Variants in DRC8 observed in about 807,000 individuals in gnomAD.
DRC8 encodes dynein regulatory complex subunit 8, also known as dynein regulatory complex protein 8.
At chr1:245,024,061 T>G in the DRC8 span, among the ~76,000 whole-genome samples, 1 of 152,038 alleles carries the variant, frequency 6.6e-6, no homozygotes, top group Non-Finnish European at 1.5e-5. Context: ...TCCCAGCTAC[T>G]TGGGAGGCTG....
chr1:245,083,575 T>C, the DRC8 span: 1 of 1,589,580 alleles, frequency 6.3e-7, no homozygotes, highest in African/African-American at 1.4e-5. Flanking sequence ...ATGTAGAACT[T>C]ATTCACCAAA....
chr1:245,058,561 CTAGTT>C, the DRC8 span, among the ~76,000 whole-genome samples: 6 of 152,074 alleles, frequency 3.9e-5, no homozygotes, highest in Admixed American at 2.0e-4. Flanking sequence ...ATTAACTACT[CTAGTT>C]AAGTGAATAT....
chr1:245,075,548 A>G, the DRC8 span: 15 of 152,184 alleles, frequency 9.9e-5, no homozygotes, highest in Admixed American at 9.8e-4. Flanking sequence ...TCTTCAGGTC[A>G]CCTACTCCAC....
the DRC8 span, among the ~76,000 whole-genome samples, chr1:245,077,196 A>G: frequency 6.6e-6 from 1 of 152,192 alleles, no homozygotes; most frequent in Non-Finnish European, 1.5e-5. Flanking sequence ...TGGCTTAAAC[A>G]ATAGAAATTT....
chr1:245,025,292 T>C, the DRC8 span, among the ~76,000 whole-genome samples: 2 of 152,216 alleles, frequency 1.3e-5, no homozygotes, highest in South Asian at 2.1e-4. Context: ...AATCCAGTTT[T>C]TTTGTAATCT....
chr1:244,984,129 G>C, the DRC8 span, among the ~76,000 whole-genome samples: 4 of 146,500 alleles, frequency 2.7e-5, no homozygotes, highest in East Asian at 4.0e-4. Flanking sequence ...TAATTTTTTT[G>C]GGGGGGGGGA....
At chr1:245,101,774 A>G in the DRC8 span, among the ~76,000 whole-genome samples, 2 of 152,186 alleles carry the variant, frequency 1.3e-5, no homozygotes, top group Non-Finnish European at 2.9e-5. Context: ...TTTTAGTATT[A>G]TAATAAAGTC....
At chr1:245,121,674 C>G in the DRC8 span, among the ~76,000 whole-genome samples, 1 of 152,166 alleles carries the variant, frequency 6.6e-6, no homozygotes, top group Non-Finnish European at 1.5e-5. Context: ...AGTGTATGTG[C>G]TGCGTGGGGG....
chr1:245,065,210 G>A, the DRC8 span, among the ~76,000 whole-genome samples: 2 of 148,302 alleles, frequency 1.3e-5, no homozygotes, highest in African/African-American at 5.0e-5. Flanking sequence ...ATGCCATCAC[G>A]CCCGGCTAAT....
the DRC8 span, among the ~76,000 whole-genome samples, chr1:245,113,619 A>G: frequency 6.6e-6 from 1 of 152,218 alleles, no homozygotes; most frequent in Admixed American, 6.5e-5. Context: ...TTATGATCAT[A>G]CAATACGAAC....
the DRC8 span, among the ~76,000 whole-genome samples, chr1:244,974,772 A>G: frequency 1.3e-5 from 2 of 151,748 alleles, no homozygotes; most frequent in African/African-American, 4.8e-5. Flanking sequence ...ACGGCTCACT[A>G]CAGCCTCGAC....
the DRC8 span, among the ~76,000 whole-genome samples, chr1:245,046,984 A>G: frequency 4.6e-5 from 7 of 152,188 alleles, no homozygotes; most frequent in Non-Finnish European, 8.8e-5. Flanking sequence ...AGGGCGAGCC[A>G]TTGCTACCGC....
the DRC8 span, among the ~76,000 whole-genome samples, chr1:245,095,349 T>C: frequency 1.8e-4 from 27 of 152,162 alleles, no homozygotes; most frequent in African/African-American, 5.5e-4. Context: ...CAGGGTACTA[T>C]TGGGGAAGAG....
the DRC8 span, chr1:245,091,760 G>A: frequency 6.6e-6 from 1 of 152,210 alleles, no homozygotes; most frequent in African/African-American, 2.4e-5. Flanking sequence ...TATCTCCTAA[G>A]TTGCAGAATA....
At chr1:245,053,931 C>A in the DRC8 span, among the ~76,000 whole-genome samples, 2 of 152,140 alleles carry the variant, frequency 1.3e-5, no homozygotes, top group Non-Finnish European at 2.9e-5. Context: ...TGGAAGAACA[C>A]TGAGCGCTAA....
chr1:245,092,728 T>C, the DRC8 span, among the ~76,000 whole-genome samples: 1 of 152,180 alleles, frequency 6.6e-6, no homozygotes, highest in Non-Finnish European at 1.5e-5. Context: ...GGCTCTGATA[T>C]TGAATGAAAG....
the DRC8 span, among the ~76,000 whole-genome samples, chr1:245,033,242 G>C: frequency 6.6e-6 from 1 of 152,174 alleles, no homozygotes; most frequent in East Asian, 1.9e-4. Context: ...CTCCACAGGT[G>C]CCGGTGTGGG....
the DRC8 span, among the ~76,000 whole-genome samples, chr1:245,055,637 T>C: frequency 1.3e-5 from 2 of 152,140 alleles, no homozygotes; most frequent in Non-Finnish European, 2.9e-5. Context: ...TCTCCTTCTA[T>C]TTTCTGAACT....
At chr1:245,054,414 A>C in the DRC8 span, among the ~76,000 whole-genome samples, 1 of 151,974 alleles carries the variant, frequency 6.6e-6, no homozygotes, top group Non-Finnish European at 1.5e-5. Flanking sequence ...TCCACCTTCA[A>C]CGGAGAGTGC....
Sources: gnomAD v4.1 joint callset for allele counts (sites outside exome capture counted in the v4.1 genomes callset) on GRCh38, gnomAD v4.1.1 for gene constraint, MANE v1.5 for transcripts, NCBI Gene and HGNC (gene_info 2026-07-23, HGNC 2026-07-21) for gene names.